Variants in FDFT1 observed in about 807,000 individuals in gnomAD.
FDFT1 encodes farnesyl-diphosphate farnesyltransferase 1, also known as squalene synthase.
FDFT1 carries 68 observed loss-of-function variants against 46.8 expected under a neutral mutation model. That is an observed-to-expected ratio of 1.45 (90% CI 1.19 to 1.78). The LOEUF is 1.78. Ranked by LOEUF, FDFT1 falls within the 40% of genes most tolerant of loss-of-function variation. The probability of loss-of-function intolerance (pLI) is 0.00; values close to 1 mark genes in which losing one functional copy is unlikely to be tolerated. For synonymous variants in FDFT1, 351 were observed against 185.1 expected, an observed-to-expected ratio of 1.90 and a Z score of -7.28; for missense variants, 928 against 524.4, an observed-to-expected ratio of 1.77 and a Z score of -7.52.
chr8:11,822,138 A>G (rs910412720), intron 4 of FDFT1, among the ~76,000 whole-genome samples: 7 of 152,238 alleles, frequency 4.6e-5, no homozygotes, highest in African/African-American at 1.7e-4. Context: ...GTAATTGACC[A>G]TGAAGATTAA....
chr8:11,802,444 C>T (rs1055101897), upstream of FDFT1: 6 of 461,538 alleles, frequency 1.3e-5, no homozygotes, highest in African/African-American at 1.2e-4. Context: ...AGCGTTCGCG[C>T]TCCCAGCCGG....
chr8:11,805,892 C>T (rs1274946396), intron 1 of FDFT1, among the ~76,000 whole-genome samples: 1 of 152,182 alleles, frequency 6.6e-6, no homozygotes, highest in Non-Finnish European at 1.5e-5. Context: ...CCTGTGAGAC[C>T]TTAAAGGGTT....
chr8:11,838,678 T>C lies in FDFT1; in HGVS notation c.*69T>C. ...ACTTTTTTTCTTTAAGGATGGATGT[T>C]GTGTTCTCTTTATTTTTTTCCTACT... On this transcript the variant is annotated 3_prime_UTR_variant, in exon 8 of 8. Transcript: ENST00000220584. 8.4e-7 allele frequency: 1 copy of C among 1,196,710 alleles called. No individual in the cohort carries two copies. Among genetic ancestry groups the C allele is most frequent in the Non-Finnish European group, 1.2e-6 (1 of 804,786 alleles). The allele number at this position is 1,196,710 out of a possible 1,614,324, so 74.1% of individuals were successfully genotyped here.
intron 3 of FDFT1, among the ~76,000 whole-genome samples, chr8:11,813,841 C>T (rs1455863867): frequency 3.9e-5 from 6 of 152,178 alleles, no homozygotes; most frequent in African/African-American, 1.4e-4. Flanking sequence ...CATGTCACGG[C>T]TTATGGTCGT....
At chr8:11,803,190 C>T (rs946132394) in intron 1 of FDFT1, 6 of 1,407,434 alleles carry the variant, frequency 4.3e-6, no homozygotes, top group Middle Eastern at 1.9e-4. Context: ...GTTGCGCTCC[C>T]CGTTTCGTCC....
chr8:11,828,975 A>G (rs1193887454), intron 5 of FDFT1, among the ~76,000 whole-genome samples: 2 of 152,116 alleles, frequency 1.3e-5, no homozygotes, highest in Non-Finnish European at 2.9e-5. Flanking sequence ...ATTTGCATAT[A>G]AGTTTTTGTG....
intron 2 of FDFT1, chr8:11,809,361 G>T: frequency 2.7e-6 from 3 of 1,129,668 alleles, no homozygotes; most frequent in Non-Finnish European, 3.3e-6. Context: ...CTACATATTA[G>T]TTCGGTCTAA....
intron 3 of FDFT1, among the ~76,000 whole-genome samples, chr8:11,819,799 T>G (rs970636851): frequency 3.3e-5 from 5 of 152,104 alleles, no homozygotes; most frequent in African/African-American, 1.2e-4. Context: ...ACGTGCTGCT[T>G]TAGCTTGGAG....
intron 3 of FDFT1, among the ~76,000 whole-genome samples, chr8:11,814,951 G>A (rs1450984873): frequency 2.0e-5 from 3 of 151,962 alleles, no homozygotes; most frequent in Admixed American, 6.6e-5. Flanking sequence ...CATGTGCCAT[G>A]TTGGTTTGCT....
intron 7 of FDFT1, among the ~76,000 whole-genome samples, chr8:11,832,218 T>G (rs548093927): frequency 1.7e-4 from 26 of 151,770 alleles, no homozygotes; most frequent in African/African-American, 6.3e-4. Context: ...AAAAGAAAAC[T>G]TACCTTCTTA....
exon 1 of FDFT1, chr8:11,795,882 G>C (rs183926859): frequency 6.5e-6 from 1 of 152,692 alleles, no homozygotes; most frequent in Admixed American, 6.6e-5. Context: ...ACATCAGAAG[G>C]AACAGACTCC....
At chr8:11,803,130 G>C in intron 1 of FDFT1, 199 bp downstream of exon 1, 1 of 1,427,460 alleles carries the variant, frequency 7.0e-7, no homozygotes, top group Non-Finnish European at 9.2e-7. Flanking sequence ...ACCTGTCCCT[G>C]CCCCCGCAAG....
At chr8:11,818,962 A>C (rs955551615) in intron 3 of FDFT1, among the ~76,000 whole-genome samples, 2 of 152,080 alleles carry the variant, frequency 1.3e-5, no homozygotes, top group African/African-American at 4.8e-5. Context: ...GGTCTTTACA[A>C]TTTGGCATGT....
At chr8:11,808,238 T>A in intron 1 of FDFT1, 1 of 1,192,804 alleles carries the variant, frequency 8.4e-7, no homozygotes, top group Non-Finnish European at 1.0e-6. Flanking sequence ...TAGAGTTTGG[T>A]CTAGGGAGAC....
intron 3 of FDFT1, among the ~76,000 whole-genome samples, chr8:11,820,680 GCACTGGAGGCAAT>G (rs1185884333): frequency 6.6e-6 from 1 of 152,228 alleles, no homozygotes; most frequent in African/African-American, 2.4e-5. Context: ...CCCGAGCCAG[GCACTGGAGGCAAT>G]CACCTGCTCT....
intron 1 of FDFT1, among the ~76,000 whole-genome samples, chr8:11,804,571 T>G (rs1187296846): frequency 6.6e-6 from 1 of 150,982 alleles, no homozygotes; most frequent in Non-Finnish European, 1.5e-5. Flanking sequence ...AAAATACATT[T>G]CCCTTCACTT....
chr8:11,836,163 A>G (rs1811512674), intron 7 of FDFT1, among the ~76,000 whole-genome samples: 1 of 151,278 alleles, frequency 6.6e-6, no homozygotes. Flanking sequence ...AAAAAAAAAA[A>G]AAAATCTACA....
chr8:11,834,108 G>T (rs1471810238), intron 7 of FDFT1, among the ~76,000 whole-genome samples: 1 of 152,216 alleles, frequency 6.6e-6, no homozygotes, highest in East Asian at 1.9e-4. Context: ...TAGTAAGAAA[G>T]GAAGAAACGT....
intron 7 of FDFT1, among the ~76,000 whole-genome samples, chr8:11,835,495 C>G (rs1278130229): frequency 6.6e-6 from 1 of 152,178 alleles, no homozygotes; most frequent in Non-Finnish European, 1.5e-5. Context: ...ACCAAGATTT[C>G]TCTTAATTTA....
Sources: gnomAD v4.1 joint callset for allele counts (sites outside exome capture counted in the v4.1 genomes callset) on GRCh38, gnomAD v4.1.1 for gene constraint, MANE v1.5 for transcripts, NCBI Gene and HGNC (gene_info 2026-07-23, HGNC 2026-07-21) for gene names.